Variants in WDHD1 observed in about 807,000 individuals in gnomAD.
WDHD1 encodes WD repeat and HMG-box DNA binding protein 1, also known as WD repeat and HMG-box DNA-binding protein 1.
A neutral mutation model predicts 135.4 loss-of-function variants in WDHD1; 111 were observed. That is an observed-to-expected ratio of 0.82 (90% CI 0.70 to 0.96). The LOEUF is 0.96. WDHD1 is among the 40% of genes least tolerant of loss of function. The pLI is 0.00. For synonymous variants in WDHD1, 434 were observed against 439.0 expected, an observed-to-expected ratio of 0.99 and a Z score of 0.14; for missense variants, 1,351 against 1,336.3, an observed-to-expected ratio of 1.01 and a Z score of -0.17.
chr14:55,000,267 A>C (rs1339858567), intron 10 of WDHD1, among the ~76,000 whole-genome samples: 1 of 152,148 alleles, frequency 6.6e-6, no homozygotes, highest in Non-Finnish European at 1.5e-5. Flanking sequence ...TATTTAATGA[A>C]AGGTATTCCT....
chr14:54,948,153 T>A lies in WDHD1; in HGVS notation c.3051-3683A>T, dbSNP rs12434012. ...TGCAGAAGACGGGTGATTTCTGCAC[T>A]TCCAACTGAGGTACCAGGTTCATCT... On this transcript the variant is annotated intron_variant, in intron 24 of 25. Transcript: ENST00000360586. Among the ~76,000 whole-genome samples, 2,828 of 152,118 alleles carry A rather than the reference T, an allele frequency of 0.019. 162 individuals are homozygous for A. In the East Asian group the frequency reaches 0.22, roughly 12 times the overall value.
intron 16 of WDHD1, among the ~76,000 whole-genome samples, chr14:54,969,038 TATTTATTTATTTATTTTTGAG>T (rs1257701922): frequency 6.6e-6 from 1 of 151,952 alleles, no homozygotes; most frequent in East Asian, 1.9e-4. Flanking sequence ...TGTTTCTATT[TATTTATTTATTTATTTTTGAG>T]ACGGAGTCTC....
In WDHD1 at chr14:54,940,082, TAACTAACATTTATATAAAAGATTACTA is replaced by T. The variant is rs1015010214; in HGVS notation, c.*1381_*1407del. ...AACAGCATCATCATTATCAGAATAG[TAACTAACATTTATATAAAAGATTACTA>T]TGTGTCAGAAACTAAGGGCTTTCAT... On this transcript the variant is annotated 3_prime_UTR_variant, in exon 26 of 26. Coordinates refer to ENST00000360586, the MANE Select transcript of WDHD1 (RefSeq NM_007086.4). 6.6e-6 allele frequency: 1 copy of T among 152,200 alleles called. No homozygotes were observed. The highest frequency in any genetic ancestry group is 1.5e-5 in the Non-Finnish European group (1 of 68,032). The allele number at this position is 152,200 out of a possible 1,614,324, so 9.4% of individuals were successfully genotyped here.
chr14:54,945,995 T>C (rs2040918242), intron 24 of WDHD1, among the ~76,000 whole-genome samples: 1 of 152,140 alleles, frequency 6.6e-6, no homozygotes, highest in Non-Finnish European at 1.5e-5. Context: ...TCTGAAAATA[T>C]GCAAATTTTA....
In WDHD1 at chr14:54,989,102, A is replaced by G. The variant is rs765430334; in HGVS notation, c.1452T>C (p.Thr484=). The G allele has an allele frequency of 6.2e-7, 1 of 1,613,870 alleles. No homozygotes were observed. Among genetic ancestry groups the G allele is most frequent in the Non-Finnish European group, 8.5e-7 (1 of 1,179,856 alleles). The change falls in exon 13 of 26, where the codon ACT becomes ACC. Residue 484 remains threonine, a synonymous_variant. Transcript: ENST00000360586. ...AAAGATCTGCTATTGTATAATTCAAAGTGTTTGATAAGTGTGTTGCATGGT... is the reference window on the plus strand; with the variant it reads ...AAAGATCTGCTATTGTATAATTCAAGGTGTTTGATAAGTGTGTTGCATGGT... ...SIHHATHLSN[T]LNYTIADLSH... is the part of the protein sequence containing the mutation.
intron 2 of WDHD1, among the ~76,000 whole-genome samples, chr14:55,021,649 G>C (rs1460578757): frequency 2.6e-5 from 4 of 152,202 alleles, no homozygotes; most frequent in African/African-American, 9.6e-5. Flanking sequence ...GCCTCCCAAA[G>C]TGCTGGGATT....
intron 6 of WDHD1, 33 bp from the exon 7 acceptor site, chr14:55,007,408 T>C (rs1194988857): frequency 8.2e-6 from 12 of 1,457,188 alleles, no homozygotes; most frequent in Non-Finnish European, 1.1e-5. Context: ...TTCTTTCCTT[T>C]ATGAAAATCC....
chr14:55,006,955 G>A (rs759490382), intron 7 of WDHD1, among the ~76,000 whole-genome samples: 57 of 151,998 alleles, frequency 3.8e-4, no homozygotes, highest in Admixed American at 5.2e-4. Context: ...TGCCAGGCAC[G>A]GTGGCTCACG....
intron 4 of WDHD1, 76 bp downstream of exon 4, chr14:55,010,233 A>G (rs1340458217): frequency 7.3e-7 from 1 of 1,364,528 alleles, no homozygotes; most frequent in Non-Finnish European, 9.6e-7. Flanking sequence ...ACGGTCCTGA[A>G]AACACTACCC....
chr14:54,987,069 A>C, intron 14 of WDHD1, 77 bp downstream of exon 14: 1 of 1,544,144 alleles, frequency 6.5e-7, no homozygotes, highest in Non-Finnish European at 8.8e-7. Flanking sequence ...CCAAGACAAA[A>C]AGAGTAACAA....
chr14:54,981,078 T>C (rs1223428627), intron 16 of WDHD1, among the ~76,000 whole-genome samples: 3 of 152,194 alleles, frequency 2.0e-5, no homozygotes, highest in Non-Finnish European at 4.4e-5. Context: ...GCCACTACAA[T>C]CCAGCCTGGG....
intron 10 of WDHD1, among the ~76,000 whole-genome samples, chr14:54,996,222 A>G (rs1724276578): frequency 6.6e-6 from 1 of 152,160 alleles, no homozygotes; most frequent in Non-Finnish European, 1.5e-5. Context: ...CATAAGATAC[A>G]TTTTCTTTAT....
intron 24 of WDHD1, among the ~76,000 whole-genome samples, chr14:54,954,854 C>T (rs771661103): frequency 2.3e-4 from 35 of 152,200 alleles, no homozygotes; most frequent in South Asian, 6.2e-4. Flanking sequence ...CTCAGCCTTC[C>T]GATTTGCTGG....
chr14:54,960,503 T>C (rs1020919538), intron 21 of WDHD1, among the ~76,000 whole-genome samples: 5 of 150,970 alleles, frequency 3.3e-5, no homozygotes, highest in African/African-American at 1.2e-4. Flanking sequence ...TATTTACTTC[T>C]TCTTATTATT....
intron 4 of WDHD1, among the ~76,000 whole-genome samples, chr14:55,009,539 C>T (rs2042129950): frequency 6.6e-6 from 1 of 151,712 alleles, no homozygotes; most frequent in African/African-American, 2.4e-5. Flanking sequence ...TCAAGCAATT[C>T]TCCTGCCTCA....
intron 24 of WDHD1, among the ~76,000 whole-genome samples, chr14:54,946,608 C>G (rs2040929918): frequency 6.6e-6 from 1 of 152,138 alleles, no homozygotes; most frequent in Non-Finnish European, 1.5e-5. Flanking sequence ...CTCAGACTCT[C>G]AAGCAGTTGG....
chr14:54,948,203 C>T (rs572158368), intron 24 of WDHD1, among the ~76,000 whole-genome samples: 20 of 152,156 alleles, frequency 1.3e-4, no homozygotes, highest in Non-Finnish European at 1.9e-4. Flanking sequence ...GGACAGTGGG[C>T]GCAGAACAGG....
chr14:54,980,174 G>GT (rs1415584988), intron 16 of WDHD1, among the ~76,000 whole-genome samples: 1 of 151,644 alleles, frequency 6.6e-6, no homozygotes, highest in African/African-American at 2.4e-5. Context: ...AAAGTAGCTG[G>GT]GTGTGGTGGT....
At chr14:54,970,621 C>CAAAAAAAAAAA (rs202021020) in intron 16 of WDHD1, among the ~76,000 whole-genome samples, 1 of 130,646 alleles carries the variant, frequency 7.7e-6, no homozygotes. Context: ...GTCACAGCAC[C>CAAAAAAAAAAA]AAAAAAAAAA....
Sources: allele counts gnomAD v4.1 joint callset (sites outside exome capture counted in the v4.1 genomes callset), GRCh38; gene constraint gnomAD v4.1.1; transcripts MANE v1.5; gene names NCBI Gene and HGNC (gene_info 2026-07-23, HGNC 2026-07-21).